PIK3CB: variants seen among roughly 807,000 people sequenced by gnomAD.
PIK3CB encodes phosphatidylinositol 4,5-bisphosphate 3-kinase catalytic subunit beta isoform.
In PIK3CB, 39 loss-of-function variants were observed where a neutral mutation model predicts 136.8. The ratio of observed to expected loss-of-function variants is 0.29; its 90% CI spans 0.22 to 0.37. The LOEUF (loss-of-function observed/expected upper bound fraction) is 0.37. Ranked by LOEUF, PIK3CB falls within the 10% of genes least tolerant of loss-of-function variation. The pLI is 1.00. For missense variants in PIK3CB, 868 were observed against 1,275.4 expected, an observed-to-expected ratio of 0.68 and a Z score of 4.87; for synonymous variants, 428 against 436.6, an observed-to-expected ratio of 0.98 and a Z score of 0.25.
At chr3:138,665,534 A>G (rs2043389500) in intron 19 of PIK3CB, among the ~76,000 whole-genome samples, 1 of 152,194 alleles carries the variant, frequency 6.6e-6, no homozygotes, top group Non-Finnish European at 1.5e-5. Flanking sequence ...TTGGGGAAAT[A>G]AACTACTCTT....
At chr3:138,751,983 A>G (rs955878969) in intron 4 of PIK3CB, among the ~76,000 whole-genome samples, 2 of 151,862 alleles carry the variant, frequency 1.3e-5, no homozygotes, top group Non-Finnish European at 2.9e-5. Flanking sequence ...AAAAAAAAAA[A>G]AAAAAAAAAT....
At chr3:138,804,666 C>A (rs1032950506) in intron 1 of PIK3CB, among the ~76,000 whole-genome samples, 1 of 152,170 alleles carries the variant, frequency 6.6e-6, no homozygotes. Flanking sequence ...AAATGCAAGA[C>A]GCAATTGCTT....
At chr3:138,788,186 G>A (rs1394050671) in intron 2 of PIK3CB, among the ~76,000 whole-genome samples, 1 of 151,712 alleles carries the variant, frequency 6.6e-6, no homozygotes, top group East Asian at 2.0e-4. Context: ...GCCTCCCAAA[G>A]TACTGGGATT....
chr3:138,693,257 C>CTAAT (rs1193699757), intron 14 of PIK3CB, among the ~76,000 whole-genome samples: 1 of 151,990 alleles, frequency 6.6e-6, no homozygotes, highest in Non-Finnish European at 1.5e-5. Flanking sequence ...CCACGCCCAG[C>CTAAT]TAATGTCTCT....
At chr3:138,723,579 C>T (rs541867502) in intron 8 of PIK3CB, among the ~76,000 whole-genome samples, 117 of 152,108 alleles carry the variant, frequency 7.7e-4, no homozygotes, top group Non-Finnish European at 1.1e-3. Context: ...ATGCTTTATA[C>T]GGTTACATGT....
chr3:138,749,993 TCA>T (rs2045437003), intron 4 of PIK3CB, among the ~76,000 whole-genome samples: 1 of 152,116 alleles, frequency 6.6e-6, no homozygotes, highest in Non-Finnish European at 1.5e-5. Context: ...TCCTCCCACC[TCA>T]GCCTCTCAAG....
chr3:138,674,791 C>G (rs2043610118), intron 19 of PIK3CB, among the ~76,000 whole-genome samples: 1 of 152,152 alleles, frequency 6.6e-6, no homozygotes, highest in Non-Finnish European at 1.5e-5. Flanking sequence ...GGCGGTGGCT[C>G]ACACCTGTAA....
chr3:138,730,785 AGCTGGAAGTGATG>A (rs1250504262), intron 8 of PIK3CB, among the ~76,000 whole-genome samples: 4 of 152,228 alleles, frequency 2.6e-5, no homozygotes, highest in Non-Finnish European at 4.4e-5. Flanking sequence ...AATAAAAATT[AGCTGGAAGTGATG>A]GTGTATACCT....
Position 138,714,619 on chromosome 3 carries a change from G to C in PIK3CB, c.1151C>G (p.Pro384Arg). The C allele has an allele frequency of 6.2e-7, 1 of 1,612,920 alleles. No homozygotes were observed. Among genetic ancestry groups the C allele is most frequent in the African/African-American group, 1.3e-5 (1 of 74,966 alleles). The change falls in exon 9 of 24, where the codon CCA becomes CGA. Residue 384 changes from proline (P) to arginine (R), a missense_variant. Pro to Arg is a moderately radical substitution (Grantham distance 103). Coordinates refer to ENST00000674063, the MANE Select transcript of PIK3CB (RefSeq NM_006219.3). ...ACAAATATTAATATCAAATTCCAGTGGTTCATTCCAAATATGATCATTTTT... is the reference window on the plus strand; with the variant it reads ...ACAAATATTAATATCAAATTCCAGTCGTTCATTCCAAATATGATCATTTTT... ...SGKNDHIWNE[P>R]LEFDINICDL...
intron 8 of PIK3CB, among the ~76,000 whole-genome samples, chr3:138,731,052 A>G (rs2044961842): frequency 6.6e-6 from 1 of 152,228 alleles, no homozygotes; most frequent in African/African-American, 2.4e-5. Context: ...CAATGTACAT[A>G]GTATCATCCC....
At chr3:138,784,439 G>C (rs1015706902) in intron 2 of PIK3CB, among the ~76,000 whole-genome samples, 3 of 151,458 alleles carry the variant, frequency 2.0e-5, no homozygotes, top group African/African-American at 7.3e-5. Context: ...TCTCGTCTCC[G>C]TCTCCGTCTC....
chr3:138,707,652 C>T (rs892192977), intron 10 of PIK3CB: 72 of 618,420 alleles, frequency 1.2e-4, no homozygotes, highest in Non-Finnish European at 1.4e-4. Context: ...TTCTTAATCA[C>T]ATGTAATCTG....
At chr3:138,730,923 C>T (rs2044958585) in intron 8 of PIK3CB, among the ~76,000 whole-genome samples, 1 of 152,018 alleles carries the variant, frequency 6.6e-6, no homozygotes, top group Non-Finnish European at 1.5e-5. Context: ...AAGTAATACC[C>T]TGTCTCTAAA....
intron 19 of PIK3CB, among the ~76,000 whole-genome samples, chr3:138,680,251 G>T (rs150426860): frequency 1.3e-5 from 2 of 151,736 alleles, no homozygotes; most frequent in South Asian, 2.1e-4. Context: ...CCAGCTACTC[G>T]CGAGGCTGAG....
intron 1 of PIK3CB, among the ~76,000 whole-genome samples, chr3:138,813,177 G>T (rs188644636): frequency 6.6e-6 from 1 of 152,016 alleles, no homozygotes; most frequent in Non-Finnish European, 1.5e-5. Context: ...TTTAGGAGGG[G>T]CTACAATTCT....
intron 10 of PIK3CB, among the ~76,000 whole-genome samples, chr3:138,710,023 C>CAAAAAAAAAAAA (rs34985570): frequency 3.3e-5 from 3 of 91,928 alleles, no homozygotes; most frequent in Non-Finnish European, 4.5e-5. Flanking sequence ...ACAAAAAATA[C>CAAAAAAAAAAAA]AAAAAAAAAA....
At chr3:138,783,524 C>A (rs968870762) in intron 2 of PIK3CB, among the ~76,000 whole-genome samples, 1 of 152,098 alleles carries the variant, frequency 6.6e-6, no homozygotes, top group African/African-American at 2.4e-5. Context: ...TGATCCCCAT[C>A]CCCCGGCCTT....
chr3:138,701,784 CAAA>C (rs560982900), intron 12 of PIK3CB, among the ~76,000 whole-genome samples: 2 of 54,916 alleles, frequency 3.6e-5, no homozygotes, highest in Non-Finnish European at 8.1e-5. Context: ...GACTCTGTCT[CAAA>C]AAAAAAAAAA....
At chr3:138,745,959 G>A (rs748772863) in intron 4 of PIK3CB, among the ~76,000 whole-genome samples, 4 of 151,978 alleles carry the variant, frequency 2.6e-5, no homozygotes, top group Non-Finnish European at 5.9e-5. Context: ...TTAAAAACTT[G>A]TTCAGGGTCA....
Sources: gnomAD v4.1 joint callset for allele counts (sites outside exome capture counted in the v4.1 genomes callset) on GRCh38, gnomAD v4.1.1 for gene constraint, MANE v1.5 for transcripts, NCBI Gene and HGNC (gene_info 2026-07-23, HGNC 2026-07-21) for gene names.